VWA7: variants seen among roughly 807,000 people sequenced by gnomAD.
The protein encoded by VWA7 is von Willebrand factor A domain containing 7.
A neutral mutation model predicts 83.1 loss-of-function variants in VWA7; 66 were observed. The observed-to-expected ratio is 0.79, with a 90% CI of 0.65 to 0.98. VWA7 has a LOEUF of 0.98. Ranked by LOEUF, VWA7 falls within the 50% of genes least tolerant of loss-of-function variation. The pLI is 0.00. For missense variants in VWA7, 1,080 were observed against 1,160.2 expected, an observed-to-expected ratio of 0.93 and a Z score of 1.00; for synonymous variants, 424 against 488.5, an observed-to-expected ratio of 0.87 and a Z score of 1.74.
chr6:31,773,537 A>G lies in VWA7; in HGVS notation c.722-100T>C. On this transcript the variant is annotated intron_variant, in intron 5 of 16. Transcript: ENST00000375688. This position sits in a 1 kb window ranked among gnomAD's most constrained non-coding sequence, Gnocchi z 5.3. ...GCCTGGCCTGACCCTCTCACCCCTC[A>G]GCAAGGGTTCAGCAAGAAATGATGA... The G allele has an allele frequency of 8.3e-7, 1 of 1,209,900 alleles. No homozygotes were observed. The highest frequency in any genetic ancestry group is 1.6e-5 in the South Asian group (1 of 61,098). 74.9% of individuals were successfully genotyped at this position (1,209,900 alleles called of 1,614,324 possible).
intron 10 of VWA7, among the ~76,000 whole-genome samples, chr6:31,768,031 T>A (rs1811792380): frequency 6.8e-6 from 1 of 147,278 alleles, no homozygotes; most frequent in Non-Finnish European, 1.5e-5. Context: ...TCCCAGCTAC[T>A]TGGGAGGCTG....
intron 7 of VWA7, among the ~76,000 whole-genome samples, chr6:31,770,556 C>A (rs71543427): frequency 0.021 from 2,508 of 117,928 alleles, 47 homozygotes; most frequent in Middle Eastern, 0.038. Context: ...TCCAGTCTGG[C>A]GACAGACTCC....
rs1379226504 is a variant in VWA7, at chr6:31,770,115, T to C, written c.1088-2A>G. 6.2e-7 allele frequency: 1 copy of C among 1,611,996 alleles called. No individual in the cohort carries two copies. Among genetic ancestry groups the C allele is most frequent in the Admixed American group, 1.7e-5 (1 of 59,948 alleles). On this transcript the variant is annotated splice_acceptor_variant, in intron 7 of 16. Transcript: ENST00000375688. LOFTEE classifies it high-confidence loss of function. ...TGGTTGTAAAGACAGGGCCGAACCC[T>C]GGGAAGGGGAAAGGAGGTTAAGATA...
chr6:31,766,163 C>T lies in VWA7; in HGVS notation c.2324+82G>A, dbSNP rs768165533. The T allele has an allele frequency of 1.8e-5, 28 of 1,591,898 alleles. No homozygotes were observed. Among genetic ancestry groups the T allele is most frequent in the Middle Eastern group, 3.5e-4 (2 of 5,654 alleles). ...GGAGAGGAGGATTCTGAGGGCCAGT[C>T]GGAGGGGGACAGGGGCAGGGCTTGG... is the stretch of plus-strand genomic sequence containing the variant. On this transcript the variant is annotated intron_variant, in intron 15 of 16. Transcript: ENST00000375688. This position sits in a 1 kb window ranked among gnomAD's most constrained non-coding sequence, Gnocchi z 4.9.
At chr6:31,772,508 C>G (rs1341894173) in intron 7 of VWA7, among the ~76,000 whole-genome samples, 1 of 151,364 alleles carries the variant, frequency 6.6e-6, no homozygotes, top group Non-Finnish European at 1.5e-5. Flanking sequence ...ACAGGAAGTG[C>G]CACCCCGAGC....
At position 31,769,502 on chromosome 6, in the gene VWA7, G is replaced by A. The variant is rs116311752; in HGVS notation, c.1317+173C>T. Among the ~76,000 whole-genome samples the A allele has an allele frequency of 0.012, 1,890 of 152,284 alleles. 19 individuals are homozygous for A. Among genetic ancestry groups the A allele is most frequent in the Non-Finnish European group, 0.018 (1,255 of 68,016 alleles). ...CGTTATTAAGGGTAGGGCCTCTTAC[G>A]TATATCATTAAAGGTATCAGGAAAT... On this transcript the variant is annotated intron_variant, in intron 9 of 16. Coordinates refer to ENST00000375688, the MANE Select transcript of VWA7 (RefSeq NM_025258.3). This position sits in a 1 kb window ranked among gnomAD's most constrained non-coding sequence, Gnocchi z 4.5.
rs1812628187 is a variant in VWA7, at chr6:31,775,805, G to A, written c.513+159C>T. Among the ~76,000 whole-genome samples the A allele has an allele frequency of 6.6e-6, 1 of 152,240 alleles. No individual in the cohort carries two copies. Among genetic ancestry groups the A allele is most frequent in the East Asian group, 1.9e-4 (1 of 5,192 alleles). ...CTACAGGAAGCACTGCCAGCTTGGA[G>A]GTGGGGAACTGGGACACAGCCTCGG... On this transcript the variant is annotated intron_variant, in intron 3 of 16. Transcript: ENST00000375688. The surrounding 1 kb of genome is among the most constrained non-coding windows in gnomAD (Gnocchi z 5.9).
rs1192010222 is a variant in VWA7, at chr6:31,769,152, G to A, written c.1369C>T (p.Arg457Cys). 3.1e-6 allele frequency: 5 copies of A among 1,612,964 alleles called. No homozygotes were observed. In the South Asian group the frequency reaches 3.3e-5, roughly 11 times the overall value. ...DTSRVQGRAR[R>C]EILSPLRFEP... ...AAACGCAGAGGGGACAAGATCTCACGCCGAGCTCGACCCTGAACCCTTGAT... is the reference window on the plus strand; with the variant it reads ...AAACGCAGAGGGGACAAGATCTCACACCGAGCTCGACCCTGAACCCTTGAT... The change falls in exon 10 of 17, where the codon CGT (arginine) becomes TGT (cysteine). Residue 457 changes from arginine (R) to cysteine (C), a missense_variant. Transcript: ENST00000375688. This position sits in a 1 kb window ranked among gnomAD's most constrained non-coding sequence, Gnocchi z 4.5.
intron 10 of VWA7, 108 bp from the exon 11 acceptor site, chr6:31,767,862 G>T: frequency 7.5e-7 from 1 of 1,336,014 alleles, no homozygotes; most frequent in Non-Finnish European, 1.0e-6. Flanking sequence ...GCCGGGCGCA[G>T]TTGGTCACGC....
Position 31,767,467 on chromosome 6 carries a change from G to T in VWA7, c.1684C>A (p.Arg562Ser). The change falls in exon 12 of 17, where the codon CGC becomes AGC. Residue 562 changes from arginine (R) to serine (S), a missense_variant. Physicochemically the swap from Arg to Ser is moderately radical, Grantham distance 110. Coordinates refer to ENST00000375688, the MANE Select transcript of VWA7 (RefSeq NM_025258.3). ...ACCATCCAGAACTGCCCAAAGCGGC[G>T]AGTGTGACCTAGAGGACCCCCGCCT... is the stretch of plus-strand genomic sequence containing the variant. ...EEGGGPLGHT[R>S]RFGQFWMVTM... is the part of the protein sequence containing the mutation. The T allele has an allele frequency of 6.2e-7, 1 of 1,612,850 alleles. No homozygotes were observed. Among genetic ancestry groups the T allele is most frequent in the East Asian group, 2.2e-5 (1 of 44,850 alleles).
chr6:31,773,000 GC>G lies in VWA7; in HGVS notation c.1040del (p.Ser347ThrfsTer86). On this transcript the variant is annotated frameshift_variant, in exon 7 of 17. Coordinates refer to ENST00000375688, the MANE Select transcript of VWA7 (RefSeq NM_025258.3). LOFTEE classifies it high-confidence loss of function. ...ARHLVEQRRG[S>X]PMEPVHYVLV... The stretch of plus-strand genomic sequence containing the variant: ...GGACATAGTGGACAGGCTCCATGGG[GC>G]TGCCTCTCCGCTGCTCCACAAGGTG... 1.3e-6 allele frequency: 2 copies of G among 1,543,688 alleles called. No individual in the cohort carries two copies. Among genetic ancestry groups the G allele is most frequent in the Non-Finnish European group, 1.8e-6 (2 of 1,118,142 alleles).
Position 31,773,417 on chromosome 6 carries a change from G to A in VWA7, c.742C>T (p.His248Tyr). 6.3e-7 allele frequency: 1 copy of A among 1,596,672 alleles called. No homozygotes were observed. Reference protein sequence around the residue: ...KPPGKCSHGGHFDRSSSQPPR... With the variant: ...KPPGKCSHGGYFDRSSSQPPR... ...GGCTGGGAGCTGCTCCGGTCAAAAT[G>A]GCCCCCGTGGCTACATTTCCCTGGG... Residue 248 changes from histidine to tyrosine, a missense_variant, in exon 6 of 17, where the codon CAT becomes TAT. His to Tyr is a moderately conservative substitution (Grantham distance 83, BLOSUM62 2). Coordinates refer to ENST00000375688, the MANE Select transcript of VWA7 (RefSeq NM_025258.3). The surrounding 1 kb of genome is among the most constrained non-coding windows in gnomAD (Gnocchi z 5.3).
Position 31,773,407 on chromosome 6 carries a change from C to T in VWA7, c.752G>A (p.Arg251Gln), listed in dbSNP as rs866775083. ...GKCSHGGHFD[R>Q]SSSQPPRGGI... ...TCCCCTCGGTGGCTGGGAGCTGCTCCGGTCAAAATGGCCCCCGTGGCTACA... is the reference window on the plus strand; with the variant it reads ...TCCCCTCGGTGGCTGGGAGCTGCTCTGGTCAAAATGGCCCCCGTGGCTACA... Residue 251 changes from arginine to glutamine, a missense_variant, in exon 6 of 17, where the codon CGG (arginine) becomes CAG (glutamine). Arg to Gln is a conservative substitution (Grantham distance 43). Transcript: ENST00000375688. This position sits in a 1 kb window ranked among gnomAD's most constrained non-coding sequence, Gnocchi z 5.3. 15 of 1,601,724 alleles carry T rather than the reference C, an allele frequency of 9.4e-6. No homozygotes were observed. Among genetic ancestry groups the T allele is most frequent in the Middle Eastern group, 1.7e-4 (1 of 6,056 alleles).
In VWA7 at chr6:31,776,673, A is replaced by G. The variant is rs901900598; in HGVS notation, c.107T>C (p.Leu36Pro). 6.5e-7 allele frequency: 1 copy of G among 1,539,704 alleles called. No homozygotes were observed. The highest frequency in any genetic ancestry group is 2.0e-5 in the Admixed American group (1 of 49,184). Residue 36 changes from leucine to proline, a missense_variant, in exon 2 of 17, where the codon CTG becomes CCG. By Grantham distance (98) the Leu-to-Pro change is moderately conservative (BLOSUM62 -3). Transcript: ENST00000375688. The surrounding 1 kb of genome is among the most constrained non-coding windows in gnomAD (Gnocchi z 6.2). ...GGTGATGGAGCCAGGGGCAGCCAGC[A>G]GGCTCCAGATGTTGGGGAAGAAGGC... ...TSAFFPNIWS[L>P]LAAPGSITHQ... is the part of the protein sequence containing the mutation.
In VWA7 at chr6:31,767,341, C is replaced by T. The variant is rs113306699; in HGVS notation, c.1789+21G>A. On this transcript the variant is annotated intron_variant, in intron 12 of 16. Coordinates refer to ENST00000375688, the MANE Select transcript of VWA7 (RefSeq NM_025258.3). ...GCCTGCAGTCTCTGCTTCCCCTTCC[C>T]AGGAACACCTCCCTCCTTACCTTGC... The T allele has an allele frequency of 3.8e-4, 616 of 1,612,760 alleles. 8 individuals carry two copies. In the African/African-American group the frequency reaches 4.4e-3, roughly 11 times the overall value.
intron 10 of VWA7, among the ~76,000 whole-genome samples, chr6:31,768,096 T>TACC (rs1179015451): frequency 1.5e-5 from 2 of 129,120 alleles, no homozygotes; most frequent in Non-Finnish European, 3.1e-5. Flanking sequence ...GCCAAGATTG[T>TACC]ACCATTGCAC....
At position 31,765,631 on chromosome 6, in the gene VWA7, C is replaced by T; in HGVS notation, c.2639G>A (p.Gly880Glu). The T allele has an allele frequency of 6.2e-7, 1 of 1,610,882 alleles. No homozygotes were observed. Among genetic ancestry groups the T allele is most frequent in the Non-Finnish European group, 8.5e-7 (1 of 1,179,236 alleles). The change falls in exon 17 of 17, where the codon GGA becomes GAA. Residue 880 changes from glycine (G) to glutamate (E), a missense_variant. By Grantham distance (98) the Gly-to-Glu change is moderately conservative. Transcript: ENST00000375688. ...CAGGCCTAGCAGAAGCAGCACCCCT[C>T]CAACTGTGCCCCACCAGGGGCTGCC... ...AAGSPWWGTV[G>E]GVLLLLGLAS...
chr6:31,775,432 G>T lies in VWA7; in HGVS notation c.514-3C>A. On this transcript the variant is annotated splice_polypyrimidine_tract_variant and splice_region_variant and intron_variant, in intron 3 of 16. Coordinates refer to ENST00000375688, the MANE Select transcript of VWA7 (RefSeq NM_025258.3). The surrounding 1 kb of genome is among the most constrained non-coding windows in gnomAD (Gnocchi z 5.9). Reference sequence around the variant, plus strand: ...CAGTTGCTATGACTGTAGAAATCCTGGTCCGGAGGACAGGAGAAGGGGAGT... The same window carrying T: ...CAGTTGCTATGACTGTAGAAATCCTTGTCCGGAGGACAGGAGAAGGGGAGT... The T allele has an allele frequency of 6.2e-7, 1 of 1,610,954 alleles. No individual in the cohort carries two copies. Among genetic ancestry groups the T allele is most frequent in the Non-Finnish European group, 8.5e-7 (1 of 1,178,984 alleles).
At position 31,769,214 on chromosome 6, in the gene VWA7, A is replaced by G; in HGVS notation, c.1318-11T>C. 6.2e-7 allele frequency: 1 copy of G among 1,605,466 alleles called. No homozygotes were observed. The highest frequency in any genetic ancestry group is 1.7e-4 in the Middle Eastern group (1 of 5,972). On this transcript the variant is annotated splice_polypyrimidine_tract_variant and intron_variant, in intron 9 of 16. Transcript: ENST00000375688. This position sits in a 1 kb window ranked among gnomAD's most constrained non-coding sequence, Gnocchi z 4.5. ...CACCAGGAATGTTACCTGTACCCAG[A>G]AGAGAGCTCAGTGATTGGGGTGTCC...
Sources: gnomAD v4.1 joint callset for allele counts (sites outside exome capture counted in the v4.1 genomes callset) on GRCh38, gnomAD v4.1.1 for gene constraint, Gnocchi (gnomAD v3.1) non-coding constraint, MANE v1.5 for transcripts, NCBI Gene and HGNC (gene_info 2026-07-23, HGNC 2026-07-21) for gene names.